Variants in SMYD3 observed in about 807,000 individuals in gnomAD.
SMYD3 encodes the protein histone-lysine N-methyltransferase SMYD3.
Under a neutral mutation model 57.7 loss-of-function variants are expected in SMYD3, and 36 were observed. That is an observed-to-expected ratio of 0.62 (90% CI 0.48 to 0.82). SMYD3 has a LOEUF of 0.82. Among genes scored for constraint, SMYD3 ranks in the 40% least tolerant of loss-of-function variants. SMYD3 has a pLI of 0.00. For synonymous variants in SMYD3, 211 were observed against 195.0 expected, an observed-to-expected ratio of 1.08 and a Z score of -0.68; for missense variants, 515 against 538.8, an observed-to-expected ratio of 0.96 and a Z score of 0.44.
chr1:246,008,413 C>T (rs989033796), intron 5 of SMYD3, among the ~76,000 whole-genome samples: 3 of 152,182 alleles, frequency 2.0e-5, no homozygotes, highest in Admixed American at 6.5e-5. Flanking sequence ...TCCTCTCAGC[C>T]GAGGACTGGC....
chr1:246,295,951 G>T (rs1386825750), intron 5 of SMYD3, among the ~76,000 whole-genome samples: 4 of 152,218 alleles, frequency 2.6e-5, no homozygotes, highest in Non-Finnish European at 5.9e-5. Context: ...TCAAAGGTTT[G>T]ATTTGGGTGT....
intron 1 of SMYD3, among the ~76,000 whole-genome samples, chr1:246,416,430 AC>A (rs1482575399): frequency 2.0e-5 from 3 of 152,176 alleles, no homozygotes; most frequent in African/African-American, 7.2e-5. Context: ...AGTATTCACC[AC>A]CATTATTTTT....
At chr1:246,481,621 T>TATATATATATATACACACACACAC (rs1307881494) in intron 1 of SMYD3, among the ~76,000 whole-genome samples, 1 of 98,552 alleles carries the variant, frequency 1.0e-5, no homozygotes, top group African/African-American at 3.7e-5. Context: ...CATACATATA[T>TATATATATATATACACACACACAC]ACATACATAC....
chr1:246,460,270 C>T (rs2067776791), intron 1 of SMYD3, among the ~76,000 whole-genome samples: 1 of 152,144 alleles, frequency 6.6e-6, no homozygotes, highest in Admixed American at 6.5e-5. Context: ...TTCTCAATTA[C>T]CAATTTATTC....
intron 5 of SMYD3, among the ~76,000 whole-genome samples, chr1:245,994,941 A>G (rs1462463999): frequency 6.6e-6 from 1 of 152,164 alleles, no homozygotes; most frequent in Non-Finnish European, 1.5e-5. Flanking sequence ...CCTGGCCAAC[A>G]TGGTGAAACC....
intron 10 of SMYD3, among the ~76,000 whole-genome samples, chr1:245,841,881 C>T (rs565727149): frequency 1.3e-5 from 2 of 152,326 alleles, no homozygotes; most frequent in East Asian, 3.9e-4. Flanking sequence ...CAATGGACTG[C>T]ATATGTGATA....
At chr1:246,300,979 C>T (rs2148613892) in intron 5 of SMYD3, among the ~76,000 whole-genome samples, 1 of 152,200 alleles carries the variant, frequency 6.6e-6, no homozygotes, top group Admixed American at 6.5e-5. Context: ...AGTTCATTTT[C>T]TTTCTAGAAT....
In SMYD3 at chr1:246,350,304, G is replaced by A. The variant is rs577411193; in HGVS notation, c.228+4727C>T. On this transcript the variant is annotated intron_variant, in intron 2 of 11. Transcript: ENST00000490107. Reference sequence around the variant, plus strand: ...TCAGGACCTTATTTACTTGCTCACTGCCTATTACTTATCATACCAACCACC... The same window carrying A: ...TCAGGACCTTATTTACTTGCTCACTACCTATTACTTATCATACCAACCACC... Among the ~76,000 whole-genome samples the A allele has an allele frequency of 4.1e-4, 63 of 152,230 alleles. 1 individual carries two copies. The South Asian group carries it at 0.011, about 27-fold the overall frequency.
intron 5 of SMYD3, among the ~76,000 whole-genome samples, chr1:245,996,740 A>G (rs2148132993): frequency 6.6e-6 from 1 of 152,344 alleles, no homozygotes; most frequent in African/African-American, 2.4e-5. Flanking sequence ...ACAGAACAAG[A>G]GCTGGCTAGC....
intron 10 of SMYD3, among the ~76,000 whole-genome samples, chr1:245,777,833 T>C (rs2046667493): frequency 6.6e-6 from 1 of 152,048 alleles, no homozygotes. Flanking sequence ...TCCAAGCAAG[T>C]TACAAAACAA....
At chr1:246,352,335 T>C (rs944826416) in intron 2 of SMYD3, among the ~76,000 whole-genome samples, 1 of 152,186 alleles carries the variant, frequency 6.6e-6, no homozygotes, top group Non-Finnish European at 1.5e-5. Flanking sequence ...GGTATACATA[T>C]TATGGATTTT....
intron 5 of SMYD3, among the ~76,000 whole-genome samples, chr1:246,209,580 G>A (rs975124544): frequency 2.5e-5 from 3 of 117,832 alleles, no homozygotes; most frequent in African/African-American, 1.1e-4. Flanking sequence ...TCAGCATTGG[G>A]GTAAAAAAAA....
chr1:246,497,819 T>C (rs2068387547), intron 1 of SMYD3, among the ~76,000 whole-genome samples: 1 of 149,986 alleles, frequency 6.7e-6, no homozygotes, highest in South Asian at 2.1e-4. Context: ...TGACCTATGA[T>C]CAAACCACTG....
chr1:246,157,356 G>A (rs950024498), intron 5 of SMYD3, among the ~76,000 whole-genome samples: 10 of 152,250 alleles, frequency 6.6e-5, no homozygotes, highest in African/African-American at 2.2e-4. Flanking sequence ...CAGAGCCCAC[G>A]TTCTTCACCA....
intron 5 of SMYD3, among the ~76,000 whole-genome samples, chr1:246,094,001 G>C (rs1171387757): frequency 1.3e-5 from 2 of 152,044 alleles, no homozygotes; most frequent in African/African-American, 4.8e-5. Context: ...CCCCTATGCG[G>C]ACAGGGGCAG....
intron 10 of SMYD3, among the ~76,000 whole-genome samples, chr1:245,827,498 A>AG (rs2049569207): frequency 6.6e-6 from 1 of 152,204 alleles, no homozygotes; most frequent in East Asian, 1.9e-4. Flanking sequence ...CTCAAGATGC[A>AG]GCTCAAGGCT....
In SMYD3 at chr1:245,886,389, G is replaced by A. The variant is rs540791041; in HGVS notation, c.814-22503C>T. On this transcript the variant is annotated intron_variant, in intron 8 of 11. Transcript: ENST00000490107. Reference sequence around the variant, plus strand: ...AAGGTTGAAAGAAGAGGAAGCAGAAGATATGCTGATGGCTGCAACTGAAGC... The same window carrying A: ...AAGGTTGAAAGAAGAGGAAGCAGAAAATATGCTGATGGCTGCAACTGAAGC... 2.5e-4 allele frequency among the ~76,000 whole-genome samples: 38 copies of A among 152,212 alleles called. No individual in the cohort carries two copies. The South Asian group carries it at 7.9e-3, about 32-fold the overall frequency.
intron 5 of SMYD3, among the ~76,000 whole-genome samples, chr1:246,062,156 C>T (rs2060265012): frequency 6.8e-6 from 1 of 146,852 alleles, no homozygotes; most frequent in African/African-American, 2.6e-5. Flanking sequence ...AGCCTTAGTT[C>T]ATCCACATGT....
At chr1:245,978,958 T>C (rs2148061028) in intron 5 of SMYD3, among the ~76,000 whole-genome samples, 1 of 152,316 alleles carries the variant, frequency 6.6e-6, no homozygotes, top group Non-Finnish European at 1.5e-5. Flanking sequence ...CTGAGGTATC[T>C]GTCCATTCTT....
Sources: gnomAD v4.1 joint callset for allele counts (sites outside exome capture counted in the v4.1 genomes callset) on GRCh38, gnomAD v4.1.1 for gene constraint, MANE v1.5 for transcripts, NCBI Gene and HGNC (gene_info 2026-07-23, HGNC 2026-07-21) for gene names.